TRPM3: variants seen among roughly 807,000 people sequenced by gnomAD.
The protein encoded by TRPM3 is transient receptor potential cation channel subfamily M member 3, also known as long transient receptor potential channel 3.
Under a neutral mutation model 181.2 loss-of-function variants are expected in TRPM3, and 77 were observed. That is an observed-to-expected ratio of 0.42 (90% CI 0.35 to 0.51). The LOEUF is 0.51. TRPM3 is among the 20% of genes least tolerant of loss of function. The probability of loss-of-function intolerance (pLI) is 0.01; values close to 1 mark genes in which losing one functional copy is unlikely to be tolerated. For synonymous variants in TRPM3, 745 were observed against 796.4 expected (o/e 0.94, Z 1.09); for missense variants, 1,759 against 2,196.7 (o/e 0.80, Z 3.98).
chr9:70,934,334 G>T (rs111468733), intron 1 of TRPM3, among the ~76,000 whole-genome samples: 2,965 of 152,222 alleles, frequency 0.019, 51 homozygotes, highest in East Asian at 0.047. Context: ...ATATGGGAAG[G>T]TCAGTCTGAT....
In TRPM3 at chr9:70,560,755, T is replaced by C. The variant is rs1302077324; in HGVS notation, c.3224-7445A>G. On this transcript the variant is annotated intron_variant, in intron 22 of 25. Coordinates refer to ENST00000677713, the MANE Select transcript of TRPM3 (RefSeq NM_001366145.2). ...CTTGTCCCTATCAACATGAATAACT[T>C]GGCCTGAGCCGTTCAGATGAAGTAC... Among the ~76,000 whole-genome samples the C allele has an allele frequency of 2.0e-5, 3 of 152,382 alleles. No individual in the cohort carries two copies. The East Asian group carries it at 5.8e-4, about 29-fold the overall frequency.
chr9:71,005,601 G>C (rs1170084540), intron 1 of TRPM3, among the ~76,000 whole-genome samples: 1 of 152,040 alleles, frequency 6.6e-6, no homozygotes, highest in Non-Finnish European at 1.5e-5. Context: ...AAACCCTGTA[G>C]GCTGAGAATG....
At chr9:71,238,225 T>C (rs138471245) in intron 1 of TRPM3, among the ~76,000 whole-genome samples, 224 of 152,316 alleles carry the variant, frequency 1.5e-3, no homozygotes, top group African/African-American at 5.0e-3. Flanking sequence ...CCATCTCACA[T>C]AGATCATGAA....
chr9:70,825,805 G>T (rs1314675463), intron 6 of TRPM3: 2 of 152,240 alleles, frequency 1.3e-5, no homozygotes, highest in Non-Finnish European at 2.9e-5. Flanking sequence ...TTGCAAAAGG[G>T]TACTCCCTCT....
At chr9:71,298,471 C>CT (rs35085286) in intron 1 of TRPM3, among the ~76,000 whole-genome samples, 12,366 of 144,134 alleles carry the variant, frequency 0.086, 565 homozygotes, top group Non-Finnish European at 0.11. Context: ...ATAATCTGGT[C>CT]TTTTTTTTTT....
chr9:70,921,314 C>G (rs571912185), intron 1 of TRPM3, among the ~76,000 whole-genome samples: 98 of 152,318 alleles, frequency 6.4e-4, no homozygotes, highest in Non-Finnish European at 1.2e-3. Context: ...GATATTCAAA[C>G]AGAGTACTTT....
At chr9:71,354,257 CAAG>C (rs1369696936) in intron 1 of TRPM3, among the ~76,000 whole-genome samples, 1 of 152,162 alleles carries the variant, frequency 6.6e-6, no homozygotes, top group Non-Finnish European at 1.5e-5. Context: ...TGTCCAGCTA[CAAG>C]AAGACTCGTC....
intron 8 of TRPM3, among the ~76,000 whole-genome samples, chr9:70,749,039 T>A (rs1231735875): frequency 1.0e-5 from 1 of 100,046 alleles, no homozygotes; most frequent in African/African-American, 6.7e-5. Context: ...CATTTCTGTA[T>A]TTTTTTTGTG....
intron 1 of TRPM3, among the ~76,000 whole-genome samples, chr9:71,360,632 T>C (rs895195590): frequency 6.6e-6 from 1 of 152,220 alleles, no homozygotes; most frequent in Non-Finnish European, 1.5e-5. Flanking sequence ...AGATGATTCA[T>C]AATAAGGCAA....
rs2093222658 is a variant in TRPM3 at position 71,397,219 on chromosome 9, CT to C, written c.183+49433del. Among the ~76,000 whole-genome samples, 4 of 152,124 alleles carry C rather than the reference CT, an allele frequency of 2.6e-5. No homozygotes were observed. The South Asian group carries it at 8.3e-4, about 32-fold the overall frequency. ...CATTTTTGCAGCTACTATTATACTC[CT>C]TTACAGCCAGAATAATATGGTTTTT... is the stretch of plus-strand genomic sequence containing the variant. On this transcript the variant is annotated intron_variant, in intron 1 of 24. Coordinates refer to the TRPM3 transcript ENST00000357533.
At position 70,639,203 on chromosome 9, in the gene TRPM3, C is replaced by G. The variant is rs754657251; in HGVS notation, c.1447-9G>C. The G allele has an allele frequency of 6.2e-7, 1 of 1,613,416 alleles. No individual in the cohort carries two copies. Among genetic ancestry groups the G allele is most frequent in the Admixed American group, 1.7e-5 (1 of 59,970 alleles). ...TGCTCCAGAGATCCCACCTGCAAAC[C>G]AAGTCACTGAGTTAGTCTGCCCCAG... On this transcript the variant is annotated splice_polypyrimidine_tract_variant and intron_variant, in intron 10 of 25. Transcript: ENST00000677713.
rs1260846027 is a variant in TRPM3 at position 71,405,373 on chromosome 9, G to A, written c.183+41280C>T. Among the ~76,000 whole-genome samples, 3 of 152,094 alleles carry A rather than the reference G, an allele frequency of 2.0e-5. No individual in the cohort carries two copies. The East Asian group carries it at 5.8e-4, about 29-fold the overall frequency. The stretch of plus-strand genomic sequence containing the variant: ...AAATAATCATTAGACATTGGGTTTA[G>A]ATTTGGAAGAGACATAAACCAGCTA... On this transcript the variant is annotated intron_variant, in intron 1 of 24. Transcript: ENST00000357533.
chr9:70,878,894 T>C lies in TRPM3; in HGVS notation c.178-14383A>G, dbSNP rs1017285731. 2.0e-5 allele frequency among the ~76,000 whole-genome samples: 3 copies of C among 152,144 alleles called. No homozygotes were observed. The South Asian group carries it at 6.2e-4, about 32-fold the overall frequency. On this transcript the variant is annotated intron_variant, in intron 1 of 25. Coordinates refer to ENST00000677713, the MANE Select transcript of TRPM3 (RefSeq NM_001366145.2). ...AAGATTCTCAGATGATTCCCTTACA[T>C]CTAAGTTGGGAAAACACCCTGTGCT...
At chr9:70,998,521 C>A (rs1263183932) in intron 1 of TRPM3, among the ~76,000 whole-genome samples, 1 of 152,002 alleles carries the variant, frequency 6.6e-6, no homozygotes, top group African/African-American at 2.4e-5. Flanking sequence ...AACCCAAAGT[C>A]CATAGGGTTC....
intron 21 of TRPM3, among the ~76,000 whole-genome samples, chr9:70,594,629 G>A (rs893271312): frequency 2.0e-5 from 3 of 152,156 alleles, no homozygotes; most frequent in Non-Finnish European, 2.9e-5. Context: ...GAGTCTTTCC[G>A]GATATGCAGG....
intron 1 of TRPM3, among the ~76,000 whole-genome samples, chr9:71,258,858 AT>A (rs1477962199): frequency 6.6e-6 from 1 of 152,018 alleles, no homozygotes; most frequent in Non-Finnish European, 1.5e-5. Flanking sequence ...ATCATGATGA[AT>A]TTTTACCCTT....
intron 9 of TRPM3, among the ~76,000 whole-genome samples, chr9:70,680,289 A>G (rs2065095566): frequency 6.6e-6 from 1 of 152,190 alleles, no homozygotes; most frequent in Non-Finnish European, 1.5e-5. Flanking sequence ...CTCCTATATC[A>G]TTTGGTTGTT....
At chr9:71,165,204 C>T (rs964459263) in intron 1 of TRPM3, among the ~76,000 whole-genome samples, 1 of 152,156 alleles carries the variant, frequency 6.6e-6, no homozygotes, top group East Asian at 1.9e-4. Flanking sequence ...CCTATTTTCA[C>T]AAGCTGAAAT....
intron 1 of TRPM3, among the ~76,000 whole-genome samples, chr9:71,391,376 T>C (rs2093058364): frequency 6.6e-6 from 1 of 151,792 alleles, no homozygotes; most frequent in South Asian, 2.1e-4. Flanking sequence ...AACTGTCTAC[T>C]TCTCTTTCTT....
Sources: allele counts gnomAD v4.1 joint callset (sites outside exome capture counted in the v4.1 genomes callset), GRCh38; gene constraint gnomAD v4.1.1; transcripts MANE v1.5; gene names NCBI Gene and HGNC (gene_info 2026-07-23, HGNC 2026-07-21).